The following HP1BP3 variants were observed in gnomAD, a reference collection of about 807,000 sequenced individuals.
HP1BP3 encodes heterochromatin protein 1 binding protein 3, also known as heterochromatin protein 1-binding protein 3.
Under a neutral mutation model 62.5 loss-of-function variants are expected in HP1BP3, and 12 were observed. The ratio of observed to expected loss-of-function variants is 0.19; its 90% CI spans 0.12 to 0.31. HP1BP3 has a LOEUF of 0.31. HP1BP3 is among the 10% of genes least tolerant of loss of function. HP1BP3 has a pLI of 1.00. For synonymous variants in HP1BP3, 260 were observed against 237.8 expected (o/e 1.09, Z -0.86); for missense variants, 502 against 651.8 (o/e 0.77, Z 2.50).
At chr1:20,748,907 C>A (rs1172130207) in intron 10 of HP1BP3, among the ~76,000 whole-genome samples, 1 of 152,170 alleles carries the variant, frequency 6.6e-6, no homozygotes, top group African/African-American at 2.4e-5. Context: ...CCAGTCTCAC[C>A]AATCCACACG....
Position 20,744,948 on chromosome 1 carries a change from G to A in HP1BP3, c.1511C>T (p.Thr504Met), listed in dbSNP as rs968930016. The A allele has an allele frequency of 8.7e-6, 14 of 1,614,014 alleles. No individual in the cohort carries two copies. Among genetic ancestry groups the A allele is most frequent in the Middle Eastern group, 1.6e-4 (1 of 6,084 alleles). Residue 504 changes from threonine to methionine, a missense_variant, in exon 13 of 13, where the codon ACG (threonine) becomes ATG (methionine). Transcript: ENST00000438032. ...TGAGGGTCTGGTCTTCTTGGCAGGC[G>A]TTTTGGCCTTAGGAGGTGCTTTCTT... is the stretch of plus-strand genomic sequence containing the variant. ...LPKKAPPKAK[T>M]PAKKTRPSST...
At chr1:20,770,139 T>C (rs548625345) in intron 6 of HP1BP3, among the ~76,000 whole-genome samples, 2 of 152,304 alleles carry the variant, frequency 1.3e-5, no homozygotes, top group East Asian at 3.9e-4. Flanking sequence ...GAAATCAACA[T>C]TTGTTCTAGT....
At chr1:20,775,835 C>T (rs967653140) in intron 4 of HP1BP3, 18 of 898,330 alleles carry the variant, frequency 2.0e-5, no homozygotes, top group East Asian at 1.7e-4. Context: ...GGCTGTACCA[C>T]GTAGGTTTGT....
intron 8 of HP1BP3, among the ~76,000 whole-genome samples, chr1:20,758,500 C>T (rs1380774330): frequency 6.6e-6 from 1 of 152,140 alleles, no homozygotes; most frequent in Non-Finnish European, 1.5e-5. Context: ...GCGCGTGCCA[C>T]CACGCCCGGC....
chr1:20,756,513 T>A (rs1315813190), intron 9 of HP1BP3, among the ~76,000 whole-genome samples: 1 of 151,842 alleles, frequency 6.6e-6, no homozygotes, highest in Admixed American at 6.6e-5. Context: ...GAGGCTACAG[T>A]GAGCTGTGAT....
At chr1:20,768,560 C>A (rs1326060228) in intron 6 of HP1BP3, among the ~76,000 whole-genome samples, 4 of 152,116 alleles carry the variant, frequency 2.6e-5, no homozygotes, top group African/African-American at 9.7e-5. Context: ...TCACAATAGG[C>A]CAGGCACGGT....
chr1:20,744,492 A>C lies in HP1BP3; in HGVS notation c.*305T>G, dbSNP rs2055188946. The C allele has an allele frequency of 4.2e-6, 1 of 240,956 alleles. No individual in the cohort carries two copies. The highest frequency in any genetic ancestry group is 7.9e-5 in the South Asian group (1 of 12,644). The allele number at this position is 240,956 out of a possible 1,614,324, so 14.9% of individuals were successfully genotyped here. On this transcript the variant is annotated 3_prime_UTR_variant, in exon 13 of 13. Coordinates refer to ENST00000438032, the MANE Select transcript of HP1BP3 (RefSeq NM_001372052.1). ...TAAAATTGGAAGAAAAAAAAAAGGC[A>C]AAGCTGACCATAAAAACAACAGGGG...
chr1:20,753,281 C>T (rs931469314), intron 9 of HP1BP3, among the ~76,000 whole-genome samples: 42 of 152,120 alleles, frequency 2.8e-4, no homozygotes, highest in Admixed American at 1.8e-3. Flanking sequence ...TGACAGCTAA[C>T]CTATCATTAT....
chr1:20,749,100 A>G (rs376575230), intron 10 of HP1BP3, among the ~76,000 whole-genome samples: 3 of 152,334 alleles, frequency 2.0e-5, no homozygotes, highest in Non-Finnish European at 2.9e-5. Context: ...TGAACATTCA[A>G]AAGTAGGAAA....
intron 6 of HP1BP3, among the ~76,000 whole-genome samples, chr1:20,768,981 G>C (rs569008826): frequency 1.3e-5 from 2 of 152,146 alleles, no homozygotes; most frequent in Non-Finnish European, 2.9e-5. Context: ...GGCTAGAGCA[G>C]GTCATAAACT....
rs868146491 is a variant in HP1BP3 at position 20,773,237 on chromosome 1, C to T, written c.510+214G>A. On this transcript the variant is annotated intron_variant, in intron 5 of 12. Coordinates refer to ENST00000438032, the MANE Select transcript of HP1BP3 (RefSeq NM_001372052.1). ...AAAAATTCTAAAGTTAAAATATTTGCTATATTAAATATAATTTTTTTAAAA... is the reference window on the plus strand; with the variant it reads ...AAAAATTCTAAAGTTAAAATATTTGTTATATTAAATATAATTTTTTTAAAA... 1.1e-4 allele frequency among the ~76,000 whole-genome samples: 17 copies of T among 151,906 alleles called. 1 individual carries two copies. The highest frequency in any genetic ancestry group is 4.6e-4 in the Admixed American group (7 of 15,234).
At chr1:20,784,482 T>C (rs1461148045) in intron 1 of HP1BP3, among the ~76,000 whole-genome samples, 3 of 149,452 alleles carry the variant, frequency 2.0e-5, no homozygotes, top group Admixed American at 1.3e-4. Context: ...TTCCCTTTTT[T>C]TTTTTTTTTT....
intron 8 of HP1BP3, among the ~76,000 whole-genome samples, chr1:20,763,770 A>G (rs2056615747): frequency 6.6e-6 from 1 of 152,264 alleles, no homozygotes; most frequent in Non-Finnish European, 1.5e-5. Context: ...TAACAAAATT[A>G]TCTCAGAATT....
chr1:20,779,765 G>A, intron 3 of HP1BP3, 47 bp downstream of exon 3: 1 of 1,180,592 alleles, frequency 8.5e-7, no homozygotes, highest in Non-Finnish European at 1.2e-6. Flanking sequence ...ACTCCAAATT[G>A]CAGTATAACT....
intron 5 of HP1BP3, among the ~76,000 whole-genome samples, chr1:20,771,907 A>G (rs2057078732): frequency 6.6e-6 from 1 of 152,236 alleles, no homozygotes; most frequent in African/African-American, 2.4e-5. Flanking sequence ...TTGGATAAGA[A>G]CTTCGTTGAA....
intron 8 of HP1BP3, among the ~76,000 whole-genome samples, chr1:20,762,292 C>T (rs2056527531): frequency 6.6e-6 from 1 of 152,098 alleles, no homozygotes. Flanking sequence ...ACAACCCATC[C>T]ATTATCAGGT....
chr1:20,784,395 A>G (rs1401424396), intron 1 of HP1BP3, among the ~76,000 whole-genome samples: 1 of 152,138 alleles, frequency 6.6e-6, no homozygotes, highest in Non-Finnish European at 1.5e-5. Flanking sequence ...GATGCCTAAG[A>G]ACATACCAGG....
At chr1:20,784,791 T>C (rs1459699394) in intron 1 of HP1BP3, among the ~76,000 whole-genome samples, 1 of 152,090 alleles carries the variant, frequency 6.6e-6, no homozygotes, top group Non-Finnish European at 1.5e-5. Flanking sequence ...ATGTTTTTCA[T>C]CTTGGTTTTT....
rs1412885002 is a variant in HP1BP3 at position 20,741,810 on chromosome 1, G to A, written c.*2987C>T. ...CAGAGTACTGAAGCTATTGATCCAT[G>A]CTAGAGATTTCTGGGATTACCTCTG... is the stretch of plus-strand genomic sequence containing the variant. On this transcript the variant is annotated 3_prime_UTR_variant, in exon 13 of 13. Transcript: ENST00000438032. Among the ~76,000 whole-genome samples, 2 of 152,312 alleles carry A rather than the reference G, an allele frequency of 1.3e-5. No individual in the cohort carries two copies. Among genetic ancestry groups the A allele is most frequent in the East Asian group, 1.9e-4 (1 of 5,186 alleles).
Sources: allele counts gnomAD v4.1 joint callset (sites outside exome capture counted in the v4.1 genomes callset), GRCh38; gene constraint gnomAD v4.1.1; transcripts MANE v1.5; gene names NCBI Gene and HGNC (gene_info 2026-07-23, HGNC 2026-07-21).